PARD3B: variants seen among roughly 807,000 people sequenced by gnomAD.
The protein encoded by PARD3B is partitioning defective 3 homolog B.
In PARD3B, 103 loss-of-function variants were observed where a neutral mutation model predicts 130.2. The observed-to-expected ratio is 0.79, with a 90% CI of 0.67 to 0.93. The LOEUF is 0.93. Among genes scored for constraint, PARD3B ranks in the 40% least tolerant of loss-of-function variants. The pLI is 0.00. For synonymous variants in PARD3B, 583 were observed against 553.2 expected, an observed-to-expected ratio of 1.05 and a Z score of -0.76; for missense variants, 1,609 against 1,499.2, an observed-to-expected ratio of 1.07 and a Z score of -1.21.
intron 1 of PARD3B, among the ~76,000 whole-genome samples, chr2:204,671,707 G>C (rs2036309931): frequency 6.6e-6 from 1 of 152,162 alleles, no homozygotes; most frequent in African/African-American, 2.4e-5. Flanking sequence ...TTGTCGTAAT[G>C]ACTGTAACTG....
At chr2:205,031,126 TC>T (rs1335275690) in intron 3 of PARD3B, among the ~76,000 whole-genome samples, 2 of 152,096 alleles carry the variant, frequency 1.3e-5, no homozygotes, top group East Asian at 3.9e-4. Context: ...ACATCACAAA[TC>T]CATTTAGCTG....
chr2:204,683,836 G>T (rs2036953139), intron 1 of PARD3B, among the ~76,000 whole-genome samples: 1 of 152,028 alleles, frequency 6.6e-6, no homozygotes, highest in African/African-American at 2.4e-5. Context: ...AAATTTTTGG[G>T]TCAAATACAT....
At chr2:205,354,507 TGG>T (rs2044122152) in intron 18 of PARD3B, among the ~76,000 whole-genome samples, 1 of 149,974 alleles carries the variant, frequency 6.7e-6, no homozygotes, top group Admixed American at 6.7e-5. Flanking sequence ...TTTTTAGAGC[TGG>T]GGTCTCACTA....
chr2:204,833,324 T>A (rs778217884), intron 2 of PARD3B, among the ~76,000 whole-genome samples: 34 of 152,146 alleles, frequency 2.2e-4, no homozygotes, highest in Non-Finnish European at 4.3e-4. Context: ...TAAAGAGACA[T>A]TAAAGAGTAG....
At chr2:205,302,065 C>CTTT (rs3048088) in intron 18 of PARD3B, among the ~76,000 whole-genome samples, 36,503 of 77,914 alleles carry the variant, frequency 0.47, 8,923 homozygotes, top group South Asian at 0.6. Context: ...TTTTTCTTTT[C>CTTT]TTTTTTTTTT....
intron 2 of PARD3B, among the ~76,000 whole-genome samples, chr2:204,805,942 C>T (rs2042751250): frequency 6.6e-6 from 1 of 151,688 alleles, no homozygotes; most frequent in Non-Finnish European, 1.5e-5. Flanking sequence ...TATGGCAGAC[C>T]CACAGCTACT....
chr2:204,857,139 C>T (rs980654667), intron 2 of PARD3B, among the ~76,000 whole-genome samples: 4 of 152,132 alleles, frequency 2.6e-5, no homozygotes, highest in African/African-American at 7.2e-5. Context: ...ATCTGTTTTG[C>T]ATCACTGTTT....
At chr2:204,866,713 A>ATG (rs1012495413) in intron 2 of PARD3B, among the ~76,000 whole-genome samples, 9 of 151,744 alleles carry the variant, frequency 5.9e-5, no homozygotes, top group South Asian at 2.1e-4. Context: ...ATGTATGTAT[A>ATG]TGTGTGTGTG....
intron 2 of PARD3B, among the ~76,000 whole-genome samples, chr2:204,832,593 G>T (rs971852214): frequency 1.3e-5 from 2 of 152,190 alleles, no homozygotes; most frequent in Admixed American, 6.5e-5. Flanking sequence ...AGAAGGAGGT[G>T]CAGTGGACAT....
rs572434293 is a variant in PARD3B at position 205,096,066 on chromosome 2, T to G, written c.505-8360T>G. Among the ~76,000 whole-genome samples the G allele has an allele frequency of 2.0e-5, 3 of 152,242 alleles. No homozygotes were observed. In the South Asian group the frequency reaches 6.2e-4, roughly 32 times the overall value. On this transcript the variant is annotated intron_variant, in intron 4 of 22. Coordinates refer to ENST00000406610, the MANE Select transcript of PARD3B (RefSeq NM_001302769.2). Reference sequence around the variant, plus strand: ...AGTATGTTAAGAAAGTATAAAAGTGTTATCTATTCTGAGAGTGCTTCTCAA... The same window carrying G: ...AGTATGTTAAGAAAGTATAAAAGTGGTATCTATTCTGAGAGTGCTTCTCAA...
At chr2:205,080,773 T>A (rs570608382) in intron 4 of PARD3B, among the ~76,000 whole-genome samples, 1 of 152,274 alleles carries the variant, frequency 6.6e-6, no homozygotes, top group Admixed American at 6.5e-5. Flanking sequence ...GAATTCCATA[T>A]CCTCATCAAT....
At chr2:204,903,199 A>G (rs908418009) in intron 2 of PARD3B, among the ~76,000 whole-genome samples, 1 of 152,244 alleles carries the variant, frequency 6.6e-6, no homozygotes, top group African/African-American at 2.4e-5. Flanking sequence ...GTAGGGCAGA[A>G]AACATACTAG....
chr2:205,089,632 C>G (rs1184481555), intron 4 of PARD3B, among the ~76,000 whole-genome samples: 1 of 152,168 alleles, frequency 6.6e-6, no homozygotes, highest in Non-Finnish European at 1.5e-5. Context: ...AGTCATTTCT[C>G]TGTTTTTCCT....
At chr2:205,109,178 A>G (rs1171215393) in intron 5 of PARD3B, among the ~76,000 whole-genome samples, 1 of 152,328 alleles carries the variant, frequency 6.6e-6, no homozygotes, top group East Asian at 1.9e-4. Flanking sequence ...TCTTTGATAG[A>G]TTTTTACTCA....
At chr2:205,119,730 C>T (rs1223107052) in intron 7 of PARD3B, among the ~76,000 whole-genome samples, 2 of 151,986 alleles carry the variant, frequency 1.3e-5, no homozygotes, top group South Asian at 2.1e-4. Context: ...TGCGGTGAGC[C>T]GAGATCGCGC....
At chr2:204,867,392 T>C (rs566645602) in intron 2 of PARD3B, among the ~76,000 whole-genome samples, 1 of 152,314 alleles carries the variant, frequency 6.6e-6, no homozygotes, top group African/African-American at 2.4e-5. Context: ...TTCTGCATTG[T>C]TGTGTCTTCC....
At chr2:205,242,286 AATG>A (rs1247567837) in intron 15 of PARD3B, among the ~76,000 whole-genome samples, 1 of 152,216 alleles carries the variant, frequency 6.6e-6, no homozygotes, top group East Asian at 1.9e-4. Context: ...CAATTAAAAT[AATG>A]ATAAGTATAA....
chr2:204,625,454 A>G (rs1464899402), intron 1 of PARD3B, among the ~76,000 whole-genome samples: 2 of 152,186 alleles, frequency 1.3e-5, no homozygotes, highest in African/African-American at 2.4e-5. Flanking sequence ...GTGGAAAACC[A>G]CAACTGATCC....
At chr2:205,413,273 A>T (rs1488085683) in intron 19 of PARD3B, among the ~76,000 whole-genome samples, 1 of 152,184 alleles carries the variant, frequency 6.6e-6, no homozygotes, top group Non-Finnish European at 1.5e-5. Flanking sequence ...ACACATTGTC[A>T]TTATTATTGT....
Sources: allele counts gnomAD v4.1 joint callset (sites outside exome capture counted in the v4.1 genomes callset), GRCh38; gene constraint gnomAD v4.1.1; transcripts MANE v1.5; gene names NCBI Gene and HGNC (gene_info 2026-07-23, HGNC 2026-07-21).